The following MPP7 variants were observed in gnomAD, a reference collection of about 807,000 sequenced individuals.
MPP7 encodes MAGUK p55 subfamily member 7.
Under a neutral mutation model 76.5 loss-of-function variants are expected in MPP7, and 60 were observed. That is an observed-to-expected ratio of 0.78 (90% CI 0.64 to 0.97). MPP7 has a LOEUF of 0.97. MPP7 is among the 50% of genes least tolerant of loss of function. MPP7 has a pLI of 0.00. For synonymous variants in MPP7, 237 were observed against 244.5 expected (o/e 0.97, Z 0.29); for missense variants, 641 against 694.0 (o/e 0.92, Z 0.86).
At chr10:28,115,473 T>C (rs546529134) in intron 11 of MPP7, among the ~76,000 whole-genome samples, 2 of 152,300 alleles carry the variant, frequency 1.3e-5, no homozygotes, top group East Asian at 3.9e-4. Flanking sequence ...AAGAAAATGT[T>C]TGACAATGTT....
intron 2 of MPP7, among the ~76,000 whole-genome samples, chr10:28,323,877 T>C (rs997075629): frequency 2.6e-5 from 4 of 152,152 alleles, no homozygotes; most frequent in Non-Finnish European, 4.4e-5. Flanking sequence ...AAAATTGGGA[T>C]GTGGACATTC....
intron 2 of MPP7, among the ~76,000 whole-genome samples, chr10:28,216,866 AT>A (rs200097323): frequency 0.011 from 1,579 of 146,362 alleles, 26 homozygotes; most frequent in East Asian, 0.066. Flanking sequence ...TGTTATCCTC[AT>A]TTTTTTTTTT....
At chr10:28,250,638 T>C (rs1421957510) in intron 1 of MPP7, among the ~76,000 whole-genome samples, 3 of 152,178 alleles carry the variant, frequency 2.0e-5, no homozygotes, top group Middle Eastern at 3.2e-3. Flanking sequence ...AAGTTTAAAT[T>C]CCTTAAATTG....
chr10:28,174,368 T>G (rs537933691), intron 3 of MPP7, among the ~76,000 whole-genome samples: 37 of 151,866 alleles, frequency 2.4e-4, no homozygotes, highest in African/African-American at 8.0e-4. Context: ...AGAGAGTGAG[T>G]TCTCACTCTT....
At chr10:28,146,733 AATGATCATTTTAATTATGTAATT>A (rs1835722815) in intron 5 of MPP7, among the ~76,000 whole-genome samples, 1 of 152,160 alleles carries the variant, frequency 6.6e-6, no homozygotes, top group South Asian at 2.1e-4. Context: ...TCACAAGCTA[AATGATCATTTTAATTATGTAATT>A]ATGTAACCTA....
chr10:28,097,001 C>T (rs11006861), intron 11 of MPP7, among the ~76,000 whole-genome samples: 27,486 of 134,386 alleles, frequency 0.2, 3,705 homozygotes, highest in East Asian at 0.71. Flanking sequence ...TATTTATTTA[C>T]TATTTTGAGA....
At chr10:28,109,863 A>AAAAAAAAAAAAAAC (rs1834445245) in intron 11 of MPP7, among the ~76,000 whole-genome samples, 1 of 149,476 alleles carries the variant, frequency 6.7e-6, no homozygotes, top group African/African-American at 2.5e-5. Context: ...AAAAAAAAAA[A>AAAAAAAAAAAAAAC]AAAAAAAAAA....
intron 11 of MPP7, among the ~76,000 whole-genome samples, chr10:28,117,030 CTTAT>C (rs1834683381): frequency 6.6e-6 from 1 of 152,088 alleles, no homozygotes; most frequent in African/African-American, 2.4e-5. Flanking sequence ...TGTGCCCTTC[CTTAT>C]TTATTTCTAT....
intron 3 of MPP7, among the ~76,000 whole-genome samples, chr10:28,178,549 A>T (rs1836951741): frequency 6.6e-6 from 1 of 152,116 alleles, no homozygotes; most frequent in East Asian, 1.9e-4. Context: ...ATCAACAAGC[A>T]GAGTAGCATG....
chr10:28,274,550 C>A (rs1341627764), intron 1 of MPP7, among the ~76,000 whole-genome samples: 2 of 152,082 alleles, frequency 1.3e-5, no homozygotes, highest in Admixed American at 6.6e-5. Flanking sequence ...TTTCTGATAG[C>A]CCTCTAATAA....
chr10:28,247,971 A>G (rs1351253889), intron 1 of MPP7, among the ~76,000 whole-genome samples: 1 of 152,220 alleles, frequency 6.6e-6, no homozygotes, highest in Non-Finnish European at 1.5e-5. Flanking sequence ...TGTATGTCAT[A>G]GCTCTGAATA....
At chr10:28,242,459 A>G (rs1039830837) in intron 1 of MPP7, among the ~76,000 whole-genome samples, 6 of 152,182 alleles carry the variant, frequency 3.9e-5, no homozygotes, top group African/African-American at 1.4e-4. Context: ...ACATATTTGG[A>G]CCCTCATAAA....
chr10:28,093,577 G>T (rs1173172409), intron 11 of MPP7, among the ~76,000 whole-genome samples: 1 of 151,818 alleles, frequency 6.6e-6, no homozygotes, highest in Non-Finnish European at 1.5e-5. Flanking sequence ...CTCCTGAGTA[G>T]CTGGGACTAC....
At chr10:28,317,480 G>T (rs1834334827) in intron 2 of MPP7, among the ~76,000 whole-genome samples, 1 of 152,170 alleles carries the variant, frequency 6.6e-6, no homozygotes. Context: ...GCAGTGAGCT[G>T]TGACCATACC....
At chr10:28,186,826 C>G (rs754995968) in intron 3 of MPP7, among the ~76,000 whole-genome samples, 4 of 152,156 alleles carry the variant, frequency 2.6e-5, no homozygotes, top group Non-Finnish European at 5.9e-5. Context: ...CAGTGGGAAA[C>G]GCTCATCTCT....
chr10:28,310,452 C>T (rs1018101308), intron 2 of MPP7, among the ~76,000 whole-genome samples: 5 of 152,172 alleles, frequency 3.3e-5, no homozygotes, highest in Non-Finnish European at 7.3e-5. Flanking sequence ...CGCTGTCACA[C>T]GAACTCGTTG....
intron 11 of MPP7, among the ~76,000 whole-genome samples, chr10:28,108,752 A>G (rs1214107555): frequency 6.6e-6 from 1 of 152,186 alleles, no homozygotes; most frequent in African/African-American, 2.4e-5. Context: ...AGAGTTTGTC[A>G]TGATGCCTGG....
chr10:28,150,658 T>C (rs190293583), intron 3 of MPP7, among the ~76,000 whole-genome samples: 1 of 152,288 alleles, frequency 6.6e-6, no homozygotes, highest in East Asian at 1.9e-4. Context: ...TTCAAATTTC[T>C]AAGAAACGAA....
At chr10:28,147,439 G>A (rs762212574) in intron 5 of MPP7, 44 bp downstream of exon 5, 13 of 1,456,672 alleles carry the variant, frequency 8.9e-6, no homozygotes, top group Non-Finnish European at 6.8e-6. Flanking sequence ...CTCAGAAAGT[G>A]GCCCTGTTTG....
Sources: gnomAD v4.1 joint callset for allele counts (sites outside exome capture counted in the v4.1 genomes callset) on GRCh38, gnomAD v4.1.1 for gene constraint, MANE v1.5 for transcripts, NCBI Gene and HGNC (gene_info 2026-07-23, HGNC 2026-07-21) for gene names.